The following ARHGAP12 variants were observed in gnomAD, a reference collection of about 807,000 sequenced individuals.
ARHGAP12 encodes rho GTPase-activating protein 12.
ARHGAP12 carries 64 observed loss-of-function variants against 108.6 expected under a neutral mutation model. The observed-to-expected ratio is 0.59, with a 90% CI of 0.48 to 0.73. The LOEUF is 0.73. Among genes scored for constraint, ARHGAP12 ranks in the 30% least tolerant of loss-of-function variants. The pLI, the probability that ARHGAP12 is intolerant of heterozygous loss-of-function variation, is 0.00. For missense variants in ARHGAP12, 940 were observed against 1,005.9 expected (o/e 0.93, Z 0.89); for synonymous variants, 312 against 337.2 (o/e 0.93, Z 0.82).
intron 5 of ARHGAP12, among the ~76,000 whole-genome samples, chr10:31,853,845 C>A (rs1402472721): frequency 6.6e-6 from 1 of 152,158 alleles, no homozygotes; most frequent in African/African-American, 2.4e-5. Flanking sequence ...CTTAAAAAGT[C>A]TTCCATGAGT....
chr10:31,927,786 T>C (rs1031849185), intron 1 of ARHGAP12, among the ~76,000 whole-genome samples: 1 of 152,208 alleles, frequency 6.6e-6, no homozygotes, highest in Non-Finnish European at 1.5e-5. Flanking sequence ...CCTTTTTCTC[T>C]AACGAAGACC....
intron 1 of ARHGAP12, among the ~76,000 whole-genome samples, chr10:31,926,488 T>C (rs1188870147): frequency 6.6e-6 from 1 of 152,266 alleles, no homozygotes; most frequent in East Asian, 1.9e-4. Context: ...TTTGCAATTC[T>C]AGCCAAAATT....
intron 11 of ARHGAP12, among the ~76,000 whole-genome samples, chr10:31,825,489 G>T (rs1257191977): frequency 3.9e-5 from 6 of 152,076 alleles, no homozygotes; most frequent in Non-Finnish European, 7.4e-5. Flanking sequence ...CCAGAGCATG[G>T]ATTCTAGAGC....
At chr10:31,831,239 C>T (rs1235627458) in intron 10 of ARHGAP12, among the ~76,000 whole-genome samples, 1 of 152,104 alleles carries the variant, frequency 6.6e-6, no homozygotes, top group Non-Finnish European at 1.5e-5. Context: ...AATGTGGCAG[C>T]TCTACAAGCA....
chr10:31,890,588 A>G (rs1474576425), intron 3 of ARHGAP12, among the ~76,000 whole-genome samples: 1 of 152,122 alleles, frequency 6.6e-6, no homozygotes, highest in African/African-American at 2.4e-5. Context: ...AATTTTAAGA[A>G]AGCTAAGTAA....
chr10:31,923,072 A>C (rs1239962824), intron 1 of ARHGAP12, among the ~76,000 whole-genome samples: 1 of 149,510 alleles, frequency 6.7e-6, no homozygotes. Context: ...TCGCGACTGC[A>C]GTGAACTGTG....
At chr10:31,863,923 C>T (rs995356606) in intron 3 of ARHGAP12, among the ~76,000 whole-genome samples, 2 of 152,062 alleles carry the variant, frequency 1.3e-5, no homozygotes, top group African/African-American at 4.8e-5. Context: ...ATCAACAAGA[C>T]AGATAAGTTC....
At chr10:31,823,116 C>CA (rs1384031869) in intron 11 of ARHGAP12, among the ~76,000 whole-genome samples, 1 of 152,134 alleles carries the variant, frequency 6.6e-6, no homozygotes, top group African/African-American at 2.4e-5. Context: ...GTTCACTTGT[C>CA]AGTCTTCCCC....
At chr10:31,813,816 T>C (rs1835103126) in intron 14 of ARHGAP12, among the ~76,000 whole-genome samples, 1 of 152,220 alleles carries the variant, frequency 6.6e-6, no homozygotes, top group Non-Finnish European at 1.5e-5. Context: ...CTTGCATCTG[T>C]TTACATGCAC....
At chr10:31,840,549 C>T (rs958584989) in intron 7 of ARHGAP12, among the ~76,000 whole-genome samples, 1 of 151,978 alleles carries the variant, frequency 6.6e-6, no homozygotes, top group African/African-American at 2.4e-5. Flanking sequence ...TTTTTTAAAT[C>T]ATACACCATT....
At chr10:31,883,039 TA>T (rs1838041656) in intron 3 of ARHGAP12, among the ~76,000 whole-genome samples, 1 of 152,134 alleles carries the variant, frequency 6.6e-6, no homozygotes, top group African/African-American at 2.4e-5. Flanking sequence ...CTCACACCTG[TA>T]ATCCCAGCAC....
At position 31,807,651 on chromosome 10, in the gene ARHGAP12, G is replaced by A; in HGVS notation, c.*7C>T. 6.3e-7 allele frequency: 1 copy of A among 1,596,270 alleles called. No homozygotes were observed. The highest frequency in any genetic ancestry group is 8.5e-7 in the Non-Finnish European group (1 of 1,174,156). ...GCTTCTATTCCACAGGTTGTCTTCAGTAAGAATCAACGTCCGAAGATGGAA... is the reference window on the plus strand; with the variant it reads ...GCTTCTATTCCACAGGTTGTCTTCAATAAGAATCAACGTCCGAAGATGGAA... On this transcript the variant is annotated 3_prime_UTR_variant, in exon 20 of 20. Coordinates refer to ENST00000344936, the MANE Select transcript of ARHGAP12 (RefSeq NM_018287.7).
chr10:31,819,760 C>T (rs529849935), intron 12 of ARHGAP12, among the ~76,000 whole-genome samples: 4 of 152,092 alleles, frequency 2.6e-5, no homozygotes, highest in Admixed American at 2.0e-4. Flanking sequence ...AGCCACTAGA[C>T]GACTGAAGCC....
chr10:31,822,015 AC>A (rs1378065020), intron 11 of ARHGAP12, among the ~76,000 whole-genome samples: 1 of 152,202 alleles, frequency 6.6e-6, no homozygotes, highest in Non-Finnish European at 1.5e-5. Flanking sequence ...AAGCTAAGAT[AC>A]AAATAAGCAA....
At chr10:31,866,519 T>A (rs1837328981) in intron 3 of ARHGAP12, among the ~76,000 whole-genome samples, 1 of 151,602 alleles carries the variant, frequency 6.6e-6, no homozygotes, top group Admixed American at 6.6e-5. Context: ...AGTCTAGCAA[T>A]CTCGGTGAGT....
At position 31,908,898 on chromosome 10, in the gene ARHGAP12, T is replaced by C. The variant is rs768260438; in HGVS notation, c.-43A>G. 8.8e-6 allele frequency: 13 copies of C among 1,478,664 alleles called. No individual in the cohort carries two copies. Among genetic ancestry groups the C allele is most frequent in the African/African-American group, 7.0e-5 (5 of 71,332 alleles). The allele number at this position is 1,478,664 out of a possible 1,614,324, so 91.6% of individuals were successfully genotyped here. ...TCAAAAAGGATGTTATACCACATTA[T>C]GGCTTTATGGCTTGTTGGATGAATA... On this transcript the variant is annotated 5_prime_UTR_variant, in exon 3 of 20. Transcript: ENST00000344936.
chr10:31,885,559 C>T (rs1250967539), intron 3 of ARHGAP12, among the ~76,000 whole-genome samples: 2 of 152,150 alleles, frequency 1.3e-5, no homozygotes, highest in Non-Finnish European at 1.5e-5. Context: ...TGGCTCACAC[C>T]TGTAATTCCA....
intron 6 of ARHGAP12, among the ~76,000 whole-genome samples, chr10:31,843,787 T>C (rs1050587105): frequency 6.6e-6 from 1 of 152,198 alleles, no homozygotes; most frequent in Non-Finnish European, 1.5e-5. Context: ...GACTCTGGTG[T>C]TACACAGACC....
At chr10:31,918,664 C>T (rs188323786) in intron 1 of ARHGAP12, among the ~76,000 whole-genome samples, 3 of 152,290 alleles carry the variant, frequency 2.0e-5, no homozygotes, top group South Asian at 4.1e-4. Flanking sequence ...TGTGACTGTG[C>T]CACTGCATTC....
Sources: gnomAD v4.1 joint callset for allele counts (sites outside exome capture counted in the v4.1 genomes callset) on GRCh38, gnomAD v4.1.1 for gene constraint, MANE v1.5 for transcripts, NCBI Gene and HGNC (gene_info 2026-07-23, HGNC 2026-07-21) for gene names.